The following DLGAP1 variants were observed in gnomAD, a reference collection of about 807,000 sequenced individuals.
DLGAP1 encodes the protein DLG associated protein 1, also known as disks large-associated protein 1.
A neutral mutation model predicts 90.8 loss-of-function variants in DLGAP1; 11 were observed. The ratio of observed to expected loss-of-function variants is 0.12; its 90% confidence interval spans 0.08 to 0.20. The LOEUF (loss-of-function observed/expected upper bound fraction) is 0.20, where lower values mean the gene tolerates loss of function less well. DLGAP1 is among the 10% of genes least tolerant of loss of function. The pLI is 1.00. For synonymous variants in DLGAP1, 558 were observed against 540.7 expected (o/e 1.03, Z -0.44); for missense variants, 1,050 against 1,333.8 (o/e 0.79, Z 3.31).
chr18:4,148,136 A>G (rs1462128586), intron 2 of DLGAP1, among the ~76,000 whole-genome samples: 2 of 152,208 alleles, frequency 1.3e-5, no homozygotes, highest in Non-Finnish European at 1.5e-5. Flanking sequence ...AAAAGGAAAC[A>G]AAACAAAACA....
intron 3 of DLGAP1, among the ~76,000 whole-genome samples, chr18:3,909,202 A>G (rs2071979018): frequency 1.3e-5 from 2 of 152,214 alleles, no homozygotes; most frequent in African/African-American, 2.4e-5. Flanking sequence ...TAAACAGTTG[A>G]AACCAATTGC....
chr18:3,637,365 T>G (rs2058754905), intron 7 of DLGAP1, among the ~76,000 whole-genome samples: 1 of 152,002 alleles, frequency 6.6e-6, no homozygotes, highest in African/African-American at 2.4e-5. Flanking sequence ...AGAAACACGT[T>G]TAGTTTATTT....
chr18:4,258,699 T>C (rs766959140), intron 1 of DLGAP1, among the ~76,000 whole-genome samples: 44 of 152,148 alleles, frequency 2.9e-4, no homozygotes, highest in Admixed American at 9.2e-4. Context: ...ATTTCAATAG[T>C]TTCTTAACTG....
At chr18:4,054,770 A>G (rs192037512) in intron 2 of DLGAP1, among the ~76,000 whole-genome samples, 1 of 152,306 alleles carries the variant, frequency 6.6e-6, no homozygotes, top group East Asian at 1.9e-4. Context: ...ACAATATCAA[A>G]CCTTTCATAG....
chr18:3,536,942 G>A (rs2052413928), intron 9 of DLGAP1, among the ~76,000 whole-genome samples: 2 of 152,132 alleles, frequency 1.3e-5, no homozygotes, highest in South Asian at 4.1e-4. Flanking sequence ...TACAAAAAGA[G>A]CTTTGCTGCC....
intron 1 of DLGAP1, among the ~76,000 whole-genome samples, chr18:4,344,691 T>G (rs1320573286): frequency 2.0e-5 from 3 of 152,194 alleles, no homozygotes; most frequent in Non-Finnish European, 2.9e-5. Flanking sequence ...AGACTTCTAA[T>G]TTTCCCAACT....
At chr18:4,009,749 A>C (rs903618967) in intron 2 of DLGAP1, among the ~76,000 whole-genome samples, 1 of 152,198 alleles carries the variant, frequency 6.6e-6, no homozygotes, top group Non-Finnish European at 1.5e-5. Context: ...GGGTTTGTTT[A>C]GTAGTGATTT....
intron 9 of DLGAP1, among the ~76,000 whole-genome samples, chr18:3,556,872 T>G (rs2053781054): frequency 6.6e-6 from 1 of 152,292 alleles, no homozygotes; most frequent in South Asian, 2.1e-4. Context: ...TCTCAACACG[T>G]TGGGAGGCCA....
intron 3 of DLGAP1, among the ~76,000 whole-genome samples, chr18:3,958,323 T>C (rs933645216): frequency 6.6e-6 from 1 of 152,024 alleles, no homozygotes; most frequent in African/African-American, 2.4e-5. Context: ...CCTTAGTCCA[T>C]ACTTTTAAAA....
intron 3 of DLGAP1, among the ~76,000 whole-genome samples, chr18:3,980,432 C>T (rs550299887): frequency 4.6e-5 from 7 of 152,214 alleles, no homozygotes; most frequent in Admixed American, 2.6e-4. Context: ...AAAGTGCTTA[C>T]GGCATTATAA....
At chr18:4,343,929 G>A (rs1398051746) in intron 1 of DLGAP1, among the ~76,000 whole-genome samples, 1 of 152,184 alleles carries the variant, frequency 6.6e-6, no homozygotes, top group Non-Finnish European at 1.5e-5. Flanking sequence ...AGATAATTTA[G>A]TAACCTCATG....
intron 3 of DLGAP1, among the ~76,000 whole-genome samples, chr18:3,939,341 TG>T (rs1310138933): frequency 7.1e-6 from 1 of 139,876 alleles, no homozygotes; most frequent in Admixed American, 7.6e-5. Flanking sequence ...CACTTGAACC[TG>T]GAAGGTGGAG....
intron 1 of DLGAP1, among the ~76,000 whole-genome samples, chr18:4,185,559 A>G (rs1287276829): frequency 6.6e-6 from 1 of 152,138 alleles, no homozygotes; most frequent in Middle Eastern, 3.2e-3. Flanking sequence ...CTTTGGCTCC[A>G]TCCATGTTCC....
intron 1 of DLGAP1, among the ~76,000 whole-genome samples, chr18:4,287,625 T>G (rs1234593144): frequency 2.0e-5 from 3 of 151,988 alleles, no homozygotes; most frequent in Admixed American, 2.0e-4. Context: ...TTCTCACTCA[T>G]AAGTGGGAGT....
chr18:4,032,356 A>G (rs1483595473), intron 2 of DLGAP1, among the ~76,000 whole-genome samples: 1 of 152,214 alleles, frequency 6.6e-6, no homozygotes, highest in Non-Finnish European at 1.5e-5. Flanking sequence ...TGAGAAAACC[A>G]GTGTTTTACA....
chr18:3,999,417 C>A (rs2074134852), intron 3 of DLGAP1, among the ~76,000 whole-genome samples: 1 of 152,102 alleles, frequency 6.6e-6, no homozygotes, highest in Non-Finnish European at 1.5e-5. Context: ...TGCTTGGCAT[C>A]ACTTTTGTCA....
intron 2 of DLGAP1, among the ~76,000 whole-genome samples, chr18:4,052,889 C>G (rs2075156409): frequency 6.6e-6 from 1 of 152,200 alleles, no homozygotes. Context: ...TAAAGCATTG[C>G]TGGAATCACC....
At chr18:4,152,212 T>C (rs1053112062) in intron 1 of DLGAP1, among the ~76,000 whole-genome samples, 2 of 152,184 alleles carry the variant, frequency 1.3e-5, no homozygotes, top group African/African-American at 4.8e-5. Flanking sequence ...TTGTAAGCAA[T>C]GTATTCTTTT....
intron 2 of DLGAP1, chr18:4,013,571 T>C (rs2074468042): frequency 6.6e-6 from 1 of 152,372 alleles, no homozygotes; most frequent in Admixed American, 6.5e-5. Context: ...TAATAATTTC[T>C]ATATGCTCCA....
Sources: gnomAD v4.1 joint callset for allele counts (sites outside exome capture counted in the v4.1 genomes callset) on GRCh38, gnomAD v4.1.1 for gene constraint, MANE v1.5 for transcripts, NCBI Gene and HGNC (gene_info 2026-07-23, HGNC 2026-07-21) for gene names.